The following PARL variants were observed in gnomAD, a reference collection of about 807,000 sequenced individuals.
PARL encodes presenilin-associated rhomboid-like protein, mitochondrial.
PARL carries 44 observed loss-of-function variants against 51.6 expected under a neutral mutation model. The ratio of observed to expected loss-of-function variants is 0.85; its 90% CI spans 0.67 to 1.10. The LOEUF is 1.10. PARL is among the 50% of genes least tolerant of loss of function. The pLI is 0.00. For synonymous variants in PARL, 172 were observed against 164.0 expected (o/e 1.05, Z -0.37); for missense variants, 441 against 469.5 (o/e 0.94, Z 0.56).
intron 2 of PARL, 46 bp downstream of exon 2, chr3:183,867,790 AGCCCAAATGGGACAAAGTACTTTAACACT>A: frequency 9.5e-7 from 1 of 1,051,334 alleles, no homozygotes. Context: ...ACTTTAAGGG[AGCCCAAATGGGACAAAGTACTTTAACACT>A]GCATTTCTAG....
chr3:183,841,812 A>G (rs1207205793), intron 6 of PARL, among the ~76,000 whole-genome samples: 1 of 152,184 alleles, frequency 6.6e-6, no homozygotes, highest in Non-Finnish European at 1.5e-5. Flanking sequence ...AAGAAGACAG[A>G]ACAAACTCAC....
intron 9 of PARL, among the ~76,000 whole-genome samples, 186 bp from the exon 10 acceptor site, chr3:183,829,895 G>GTACAAT (rs1338042174): frequency 6.6e-6 from 1 of 152,202 alleles, no homozygotes; most frequent in Non-Finnish European, 1.5e-5. Flanking sequence ...GTAGAAGTAG[G>GTACAAT]ATGGGACGAT....
intron 9 of PARL, among the ~76,000 whole-genome samples, chr3:183,830,955 T>C (rs942941892): frequency 2.6e-5 from 4 of 152,216 alleles, no homozygotes; most frequent in Non-Finnish European, 5.9e-5. Flanking sequence ...TGTCAGGAAC[T>C]CTTCATTAAT....
At chr3:183,857,717 T>C (rs1415537163) in intron 4 of PARL, among the ~76,000 whole-genome samples, 1 of 152,204 alleles carries the variant, frequency 6.6e-6, no homozygotes, top group Non-Finnish European at 1.5e-5. Context: ...TATTTATTCA[T>C]TTTACAATGA....
At chr3:183,870,990 GT>G (rs1173012885) in intron 1 of PARL, among the ~76,000 whole-genome samples, 1 of 151,998 alleles carries the variant, frequency 6.6e-6, no homozygotes, top group Non-Finnish European at 1.5e-5. Context: ...TTCCAAAGCA[GT>G]TTTTTTAATA....
At chr3:183,846,534 G>A in intron 4 of PARL, 1 of 984,640 alleles carries the variant, frequency 1.0e-6, no homozygotes, top group Non-Finnish European at 1.2e-6. Flanking sequence ...AAGACATTGA[G>A]GTTAACAGTA....
intron 1 of PARL, among the ~76,000 whole-genome samples, chr3:183,868,953 G>T (rs1467551461): frequency 6.6e-6 from 1 of 152,008 alleles, no homozygotes; most frequent in Non-Finnish European, 1.5e-5. Flanking sequence ...AAATTTTGTT[G>T]TTTGAGTCTA....
chr3:183,868,195 T>C (rs1331679298), intron 1 of PARL, 135 bp from the exon 2 acceptor site: 3 of 700,094 alleles, frequency 4.3e-6, no homozygotes, highest in Non-Finnish European at 5.1e-6. Flanking sequence ...CCAAGACTCC[T>C]ACTCTCAGAC....
chr3:183,845,549 C>T (rs187544248), intron 4 of PARL, among the ~76,000 whole-genome samples: 36 of 152,170 alleles, frequency 2.4e-4, no homozygotes, highest in Non-Finnish European at 2.8e-4. Context: ...AGCATTATAC[C>T]ACCTTTGGTA....
At chr3:183,844,417 T>C (rs1376351377) in intron 4 of PARL, 91 bp from the exon 5 acceptor site, 1 of 851,714 alleles carries the variant, frequency 1.2e-6, no homozygotes, top group Non-Finnish European at 2.0e-6. Context: ...TCTTCCACAA[T>C]TATGTAAGAG....
At chr3:183,882,320 CATATATACACAT>C (rs1171029616) in intron 1 of PARL, among the ~76,000 whole-genome samples, 5 of 128,270 alleles carry the variant, frequency 3.9e-5, no homozygotes, top group East Asian at 2.3e-4. Flanking sequence ...TATATACACA[CATATATACACAT>C]ATATACACAC....
chr3:183,833,865 T>C, intron 7 of PARL, 40 bp from the exon 8 acceptor site: 1 of 1,245,648 alleles, frequency 8.0e-7, no homozygotes, highest in Non-Finnish European at 1.2e-6. Context: ...AAACTCAATA[T>C]GCAACTGCTT....
chr3:183,876,594 T>G (rs1446488648), intron 1 of PARL, among the ~76,000 whole-genome samples: 1 of 89,668 alleles, frequency 1.1e-5, no homozygotes, highest in African/African-American at 4.4e-5. Context: ...TTTATTCCCC[T>G]AAGAAATACA....
chr3:183,866,046 A>G (rs1485299993), intron 3 of PARL, among the ~76,000 whole-genome samples: 3 of 151,860 alleles, frequency 2.0e-5, no homozygotes, highest in Non-Finnish European at 4.4e-5. Flanking sequence ...CGCCTGGCTA[A>G]TTTTTGTATT....
intron 4 of PARL, chr3:183,844,776 T>C (rs947111107): frequency 6.1e-6 from 1 of 163,524 alleles, no homozygotes; most frequent in South Asian, 1.6e-4. Flanking sequence ...TGGAAACATA[T>C]GTGAGTCATC....
intron 1 of PARL, among the ~76,000 whole-genome samples, chr3:183,871,571 T>C (rs1015893501): frequency 2.7e-5 from 4 of 146,952 alleles, no homozygotes; most frequent in Non-Finnish European, 4.5e-5. Context: ...TAATCATACA[T>C]CATGGATAAC....
intron 1 of PARL, among the ~76,000 whole-genome samples, chr3:183,880,021 C>A (rs1734267915): frequency 6.6e-6 from 1 of 151,952 alleles, no homozygotes; most frequent in African/African-American, 2.4e-5. Context: ...CAGGAGTGAG[C>A]CACTGCACCC....
chr3:183,882,456 A>G (rs1056340844), intron 1 of PARL, among the ~76,000 whole-genome samples: 1 of 151,080 alleles, frequency 6.6e-6, no homozygotes, highest in East Asian at 1.9e-4. Flanking sequence ...CTATCATCTC[A>G]ATATAAACTT....
At chr3:183,842,238 G>T (rs529775578) in intron 6 of PARL, 60 bp downstream of exon 6, 5 of 1,486,590 alleles carry the variant, frequency 3.4e-6, no homozygotes, top group Middle Eastern at 2.4e-4. Flanking sequence ...CCCTTTGTCC[G>T]TTCTGCAGAT....
Sources: allele counts gnomAD v4.1 joint callset (sites outside exome capture counted in the v4.1 genomes callset), GRCh38; gene constraint gnomAD v4.1.1; transcripts MANE v1.5; gene names NCBI Gene and HGNC (gene_info 2026-07-23, HGNC 2026-07-21).